MTR: variants seen among roughly 807,000 people sequenced by gnomAD.
MTR encodes methionine synthase.
In MTR, 84 loss-of-function variants were observed where a neutral mutation model predicts 154.8. That is an observed-to-expected ratio of 0.54 (90% confidence interval 0.45 to 0.65). The LOEUF (loss-of-function observed/expected upper bound fraction) is 0.65. MTR is among the 30% of genes least tolerant of loss of function. The pLI is 0.00. For synonymous variants in MTR, 554 were observed against 553.9 expected (o/e 1.00, Z 0.00); for missense variants, 1,275 against 1,570.2 (o/e 0.81, Z 3.18).
intron 13 of MTR, among the ~76,000 whole-genome samples, chr1:236,833,305 G>A (rs1662721432): frequency 6.6e-6 from 1 of 152,172 alleles, no homozygotes; most frequent in Non-Finnish European, 1.5e-5. Context: ...TTGACACTGA[G>A]AGCATTTTAG....
chr1:236,820,115 C>A (rs970335280), intron 8 of MTR: 2 of 767,062 alleles, frequency 2.6e-6, no homozygotes, highest in African/African-American at 3.4e-5. Context: ...GTGGACATTG[C>A]CATTGCATGC....
chr1:236,876,163 C>T (rs374859245), intron 24 of MTR, among the ~76,000 whole-genome samples: 2 of 152,182 alleles, frequency 1.3e-5, no homozygotes, highest in East Asian at 3.9e-4. Flanking sequence ...AAGTAGATAC[C>T]ATGGCCTAGC....
At chr1:236,895,294 A>AGGCTG in intron 30 of MTR, 64 bp from the exon 31 acceptor site, 1 of 1,522,876 alleles carries the variant, frequency 6.6e-7, no homozygotes, top group Non-Finnish European at 8.9e-7. Flanking sequence ...CAGGGGGTGG[A>AGGCTG]GGCTGCACTG....
chr1:236,801,505 G>A (rs1660697581), intron 1 of MTR, among the ~76,000 whole-genome samples: 2 of 152,186 alleles, frequency 1.3e-5, no homozygotes, highest in African/African-American at 4.8e-5. Context: ...AGACGAGGCA[G>A]GGTTGTAAGT....
intron 12 of MTR, among the ~76,000 whole-genome samples, chr1:236,829,524 G>T (rs914222935): frequency 2.0e-5 from 3 of 152,118 alleles, no homozygotes; most frequent in African/African-American, 7.2e-5. Flanking sequence ...GTGGGAGCTC[G>T]ATGGTCCTAT....
intron 22 of MTR, among the ~76,000 whole-genome samples, chr1:236,866,936 G>T (rs1456274600): frequency 1.3e-5 from 2 of 152,210 alleles, no homozygotes; most frequent in Non-Finnish European, 2.9e-5. Flanking sequence ...GCTAACAGAG[G>T]TTGGTTCATG....
chr1:236,866,041 TA>T (rs973000796), intron 22 of MTR, among the ~76,000 whole-genome samples: 5 of 152,230 alleles, frequency 3.3e-5, no homozygotes, highest in African/African-American at 7.2e-5. Context: ...TACTTTACAA[TA>T]TTTTTTTTGA....
At chr1:236,820,388 G>T (rs1661860293) in intron 8 of MTR, 1 of 831,306 alleles carries the variant, frequency 1.2e-6, no homozygotes, top group Non-Finnish European at 2.1e-6. Flanking sequence ...TCTGAGGCAT[G>T]CAGGTGCCCT....
At chr1:236,815,486 G>A (rs1661534318) in intron 6 of MTR, 118 bp from the exon 7 acceptor site, 1 of 972,398 alleles carries the variant, frequency 1.0e-6, no homozygotes, top group Non-Finnish European at 1.6e-6. Context: ...TTCCCAGAGA[G>A]CTTGATGTAT....
At chr1:236,853,446 A>G (rs1664033741) in intron 18 of MTR, among the ~76,000 whole-genome samples, 2 of 152,206 alleles carry the variant, frequency 1.3e-5, no homozygotes, top group Non-Finnish European at 2.9e-5. Flanking sequence ...AAAGTTAAAC[A>G]CTTGAGATTT....
chr1:236,862,348 G>C lies in MTR; in HGVS notation c.2304+5G>C, dbSNP rs1272983834. On this transcript the variant is annotated splice_donor_5th_base_variant and intron_variant, in intron 21 of 32. Transcript: ENST00000366577. ...AACGGCACAGTAGAAGAAGAGGCAA[G>C]TCATTTTGTTCAGGCCTATGGGCCT... 3.1e-6 allele frequency: 5 copies of C among 1,611,146 alleles called. No individual in the cohort carries two copies. The South Asian group carries it at 5.5e-5, about 18-fold the overall frequency.
chr1:236,851,500 T>G (rs1054697387), intron 16 of MTR, among the ~76,000 whole-genome samples: 16 of 152,202 alleles, frequency 1.1e-4, no homozygotes, highest in African/African-American at 3.6e-4. Context: ...GAATCAACAG[T>G]AAATATTAGA....
intron 22 of MTR, among the ~76,000 whole-genome samples, chr1:236,868,090 C>A (rs1411062848): frequency 3.3e-5 from 5 of 152,158 alleles, no homozygotes; most frequent in African/African-American, 1.2e-4. Context: ...GCAGAGAAAT[C>A]TTTTGTGAAA....
chr1:236,899,821 C>CT lies in MTR; in HGVS notation c.*2181dup, dbSNP rs1176779335. On this transcript the variant is annotated 3_prime_UTR_variant, in exon 33 of 33. Transcript: ENST00000366577. ...GAAGACTACACAAGAGGAAATAGGG[C>CT]TTTTAAATAAATAGATGTTCTGTAG... is the stretch of plus-strand genomic sequence containing the variant. 6.6e-6 allele frequency: 1 copy of CT among 152,248 alleles called. No homozygotes were observed. Among genetic ancestry groups the CT allele is most frequent in the African/African-American group, 2.4e-5 (1 of 41,422 alleles). 9.4% of individuals were successfully genotyped at this position (152,248 alleles called of 1,614,324 possible). A position where few individuals can be genotyped will look rare whatever the true frequency, so the allele number is the denominator to read the frequency against.
In MTR at chr1:236,903,748, T is replaced by G. The variant is rs1196428755; in HGVS notation, c.*6104T>G. The G allele has an allele frequency of 6.6e-6, 1 of 152,164 alleles. No homozygotes were observed. Among genetic ancestry groups the G allele is most frequent in the Non-Finnish European group, 1.5e-5 (1 of 68,042 alleles). The allele number at this position is 152,164 out of a possible 1,614,324, so 9.4% of individuals were successfully genotyped here. A position where few individuals can be genotyped will look rare whatever the true frequency, so the allele number is the denominator to read the frequency against. ...AGCAGGTGAGGAAGGAACTCTGAAC[T>G]CTCACAATCTTGTTTCTTCATTTCC... On this transcript the variant is annotated 3_prime_UTR_variant, in exon 33 of 33. Transcript: ENST00000366577.
At chr1:236,896,650 AGTT>A (rs926962025) in intron 31 of MTR, among the ~76,000 whole-genome samples, 9 of 152,232 alleles carry the variant, frequency 5.9e-5, no homozygotes, top group South Asian at 2.1e-4. Context: ...GAGGCTGTTC[AGTT>A]GTTGTTCTCA....
intron 22 of MTR, among the ~76,000 whole-genome samples, chr1:236,873,162 T>G (rs1439086262): frequency 1.3e-5 from 2 of 152,216 alleles, no homozygotes; most frequent in Non-Finnish European, 2.9e-5. Context: ...CTGTGCTAAG[T>G]GAAGTTTAGC....
At position 236,815,586 on chromosome 1, in the gene MTR, T is replaced by C; in HGVS notation, c.610-18T>C. 6.2e-7 allele frequency: 1 copy of C among 1,613,740 alleles called. No individual in the cohort carries two copies. The stretch of plus-strand genomic sequence containing the variant: ...ACACTCTCAGAAATAAAGACGTTCT[T>C]TCTTTTTTCCCTGACAGGCAGCCTT... On this transcript the variant is annotated intron_variant, in intron 6 of 32. Coordinates refer to ENST00000366577, the MANE Select transcript of MTR (RefSeq NM_000254.3).
chr1:236,814,543 A>AAAG (rs1661481715), intron 6 of MTR, among the ~76,000 whole-genome samples: 1 of 152,162 alleles, frequency 6.6e-6, no homozygotes, highest in Non-Finnish European at 1.5e-5. Flanking sequence ...TTTTTCCTTT[A>AAAG]AAGTTTAGTT....
Sources: allele counts gnomAD v4.1 joint callset (sites outside exome capture counted in the v4.1 genomes callset), GRCh38; gene constraint gnomAD v4.1.1; transcripts MANE v1.5; gene names NCBI Gene and HGNC (gene_info 2026-07-23, HGNC 2026-07-21).